Variants in ATP9B observed in about 807,000 individuals in gnomAD.
The protein encoded by ATP9B is probable phospholipid-transporting ATPase IIB.
A neutral mutation model predicts 146.1 loss-of-function variants in ATP9B; 110 were observed. The ratio of observed to expected loss-of-function variants is 0.75; its 90% confidence interval spans 0.65 to 0.88. The LOEUF (loss-of-function observed/expected upper bound fraction) is 0.88, where lower values mean the gene tolerates loss of function less well. ATP9B is among the 40% of genes least tolerant of loss of function. The probability of loss-of-function intolerance (pLI) is 0.00; values close to 1 mark genes in which losing one functional copy is unlikely to be tolerated. For synonymous variants in ATP9B, 604 were observed against 569.7 expected (o/e 1.06, Z -0.86); for missense variants, 1,499 against 1,496.4 (o/e 1.00, Z -0.03).
intron 15 of ATP9B, among the ~76,000 whole-genome samples, chr18:79,309,646 C>T (rs200142168): frequency 8.9e-4 from 110 of 123,964 alleles, no homozygotes; most frequent in Admixed American, 7.7e-3. Context: ...AGGTCAGGGG[C>T]TGAGGACTGA....
chr18:79,328,941 T>A (rs1257077350), intron 15 of ATP9B, among the ~76,000 whole-genome samples, 200 bp from the exon 16 acceptor site: 2 of 152,192 alleles, frequency 1.3e-5, no homozygotes, highest in Non-Finnish European at 2.9e-5. Flanking sequence ...CAAGTGACTT[T>A]TGTGATATTG....
rs894363861 is a variant in ATP9B, at chr18:79,096,375, G to A, written c.120-101G>A. On this transcript the variant is annotated intron_variant, in intron 1 of 29. Transcript: ENST00000426216. Reference sequence around the variant, plus strand: ...GTCTTATTTATAATGCTTTCCCTCAGCTGAAGACAGCCTAATTTGAGGAAA... The same window carrying A: ...GTCTTATTTATAATGCTTTCCCTCAACTGAAGACAGCCTAATTTGAGGAAA... 3 of 1,123,496 alleles carry A rather than the reference G, an allele frequency of 2.7e-6. No individual in the cohort carries two copies. The East Asian group carries it at 7.2e-5, about 27-fold the overall frequency. The allele number at this position is 1,123,496 out of a possible 1,614,324, so 69.6% of individuals were successfully genotyped here.
At chr18:79,175,760 A>G (rs1352924443) in intron 7 of ATP9B, among the ~76,000 whole-genome samples, 1 of 152,148 alleles carries the variant, frequency 6.6e-6, no homozygotes, top group East Asian at 1.9e-4. Flanking sequence ...ATACATATGT[A>G]CACATGCATG....
chr18:79,281,430 G>T (rs956362095), intron 13 of ATP9B, among the ~76,000 whole-genome samples: 2 of 152,010 alleles, frequency 1.3e-5, no homozygotes, highest in Non-Finnish European at 2.9e-5. Flanking sequence ...CTAGGAGGCG[G>T]AGATCCTGGT....
At chr18:79,268,854 C>T (rs2145504301) in intron 12 of ATP9B, among the ~76,000 whole-genome samples, 1 of 152,260 alleles carries the variant, frequency 6.6e-6, no homozygotes, top group East Asian at 1.9e-4. Flanking sequence ...TCTTGCTTGG[C>T]CATCCTTCTT....
At chr18:79,296,892 C>T (rs1056472624) in intron 13 of ATP9B, among the ~76,000 whole-genome samples, 1 of 151,158 alleles carries the variant, frequency 6.6e-6, no homozygotes, top group Non-Finnish European at 1.5e-5. Context: ...GGATGACCCA[C>T]AGAGAAGACA....
In ATP9B at chr18:79,287,251, A is replaced by G. The variant is rs376859939; in HGVS notation, c.1411+10055A>G. Among the ~76,000 whole-genome samples the G allele has an allele frequency of 2.4e-3, 364 of 151,704 alleles. 1 individual carries two copies. The highest frequency in any genetic ancestry group is 6.4e-3 in the South Asian group (31 of 4,808). On this transcript the variant is annotated intron_variant, in intron 13 of 29. Coordinates refer to ENST00000426216, the MANE Select transcript of ATP9B (RefSeq NM_198531.5). ...TGGCTGTGAATCCATCTGGTCTTGG[A>G]CTCTTTTTGGTTGGTAAGCTATTGA...
At chr18:79,105,437 G>A (rs568224712) in intron 2 of ATP9B, among the ~76,000 whole-genome samples, 1 of 152,324 alleles carries the variant, frequency 6.6e-6, no homozygotes, top group South Asian at 2.1e-4. Context: ...CCTGTAAGTA[G>A]TAAGGATCAT....
At chr18:79,166,544 A>G (rs1433982820) in intron 7 of ATP9B, among the ~76,000 whole-genome samples, 3 of 152,148 alleles carry the variant, frequency 2.0e-5, no homozygotes, top group Non-Finnish European at 2.9e-5. Context: ...TTTGCCCAAG[A>G]TGATGGTCTC....
intron 15 of ATP9B, chr18:79,307,438 C>T (rs1003958420): frequency 1.4e-5 from 10 of 693,616 alleles, no homozygotes; most frequent in East Asian, 5.7e-5. Flanking sequence ...TGCAAATGTG[C>T]GGCCGCCACA....
chr18:79,369,360 C>A (rs1169275015), intron 26 of ATP9B, among the ~76,000 whole-genome samples: 1 of 151,870 alleles, frequency 6.6e-6, no homozygotes, highest in Non-Finnish European at 1.5e-5. Flanking sequence ...GGTGAAACCC[C>A]GTCTCTACTA....
intron 11 of ATP9B, among the ~76,000 whole-genome samples, chr18:79,215,417 T>C (rs1318832334): frequency 6.6e-6 from 1 of 152,156 alleles, no homozygotes. Flanking sequence ...GATATCTGTG[T>C]GTTACATGTT....
intron 14 of ATP9B, among the ~76,000 whole-genome samples, 181 bp from the exon 15 acceptor site, chr18:79,306,805 T>C (rs760457642): frequency 2.6e-5 from 4 of 152,204 alleles, no homozygotes; most frequent in Non-Finnish European, 4.4e-5. Context: ...AAGTGCTTCA[T>C]AGTACTAGGC....
intron 7 of ATP9B, among the ~76,000 whole-genome samples, chr18:79,159,657 G>C (rs999640029): frequency 1.3e-5 from 2 of 152,046 alleles, no homozygotes. Flanking sequence ...GTTGAAACGT[G>C]TCTCTACCCA....
At chr18:79,108,245 G>C (rs1335178910) in intron 2 of ATP9B, among the ~76,000 whole-genome samples, 1 of 152,174 alleles carries the variant, frequency 6.6e-6, no homozygotes, top group African/African-American at 2.4e-5. Flanking sequence ...GTACAAGCAA[G>C]AGGTAAGGTG....
At chr18:79,129,412 A>G (rs1323478614) in intron 5 of ATP9B, among the ~76,000 whole-genome samples, 6 of 152,150 alleles carry the variant, frequency 3.9e-5, no homozygotes, top group Non-Finnish European at 8.8e-5. Flanking sequence ...ACAGTTGTTA[A>G]TGGCCTGGCT....
At chr18:79,219,005 G>A (rs559160301) in intron 11 of ATP9B, among the ~76,000 whole-genome samples, 1 of 152,238 alleles carries the variant, frequency 6.6e-6, no homozygotes, top group Admixed American at 6.5e-5. Context: ...AATATTTAAG[G>A]GATAAGGAGA....
intron 8 of ATP9B, among the ~76,000 whole-genome samples, chr18:79,189,205 G>T (rs187605602): frequency 2.0e-5 from 3 of 152,040 alleles, no homozygotes; most frequent in Admixed American, 2.0e-4. Context: ...AAATCATCCG[G>T]GCGTGGTGGT....
At chr18:79,119,143 A>G (rs1387478068) in intron 4 of ATP9B, among the ~76,000 whole-genome samples, 1 of 151,896 alleles carries the variant, frequency 6.6e-6, no homozygotes, top group Non-Finnish European at 1.5e-5. Flanking sequence ...CTGAGAACAC[A>G]AATTCTTCTT....
Sources: gnomAD v4.1 joint callset for allele counts (sites outside exome capture counted in the v4.1 genomes callset) on GRCh38, gnomAD v4.1.1 for gene constraint, MANE v1.5 for transcripts, NCBI Gene and HGNC (gene_info 2026-07-23, HGNC 2026-07-21) for gene names.